RABGAP1L: variants seen among roughly 807,000 people sequenced by gnomAD.
RABGAP1L encodes the protein RAB GTPase activating protein 1 like, also known as rab GTPase-activating protein 1-like.
A neutral mutation model predicts 137.7 loss-of-function variants in RABGAP1L; 63 were observed. The observed-to-expected ratio is 0.46, with a 90% CI of 0.37 to 0.56. The LOEUF (loss-of-function observed/expected upper bound fraction) is 0.56, where lower values mean the gene tolerates loss of function less well. Among genes scored for constraint, RABGAP1L ranks in the 20% least tolerant of loss-of-function variants. The probability of loss-of-function intolerance (pLI) is 0.00; values close to 1 mark genes in which losing one functional copy is unlikely to be tolerated. For missense variants in RABGAP1L, 1,095 were observed against 1,244.0 expected, an observed-to-expected ratio of 0.88 and a Z score of 1.80; for synonymous variants, 431 against 433.7, an observed-to-expected ratio of 0.99 and a Z score of 0.08.
intron 19 of RABGAP1L, among the ~76,000 whole-genome samples, chr1:174,853,854 A>G (rs1648808417): frequency 6.6e-6 from 1 of 152,228 alleles, no homozygotes; most frequent in Non-Finnish European, 1.5e-5. Flanking sequence ...AGTATGGTAC[A>G]GATCACCTCA....
chr1:174,503,699 A>C (rs1661554520), intron 13 of RABGAP1L, among the ~76,000 whole-genome samples: 1 of 151,610 alleles, frequency 6.6e-6, no homozygotes, highest in Non-Finnish European at 1.5e-5. Context: ...AAAAAAAATC[A>C]GTTGTGTTCT....
intron 1 of RABGAP1L, among the ~76,000 whole-genome samples, chr1:174,184,684 A>G (rs1666663622): frequency 6.6e-6 from 1 of 152,200 alleles, no homozygotes; most frequent in Admixed American, 6.5e-5. Context: ...TTGCAGATTA[A>G]TATTTGCAGG....
At chr1:174,840,377 C>T (rs546275060) in intron 19 of RABGAP1L, among the ~76,000 whole-genome samples, 2 of 152,184 alleles carry the variant, frequency 1.3e-5, no homozygotes, top group South Asian at 2.1e-4. Context: ...ATGATAAATG[C>T]AGTTAAAAAT....
At chr1:174,376,507 C>T (rs1050601512) in intron 12 of RABGAP1L, among the ~76,000 whole-genome samples, 5 of 152,050 alleles carry the variant, frequency 3.3e-5, no homozygotes, top group South Asian at 2.1e-4. Context: ...CTACGTGGGA[C>T]GTATTTTGGG....
At chr1:174,881,530 C>T (rs959837120) in intron 19 of RABGAP1L, among the ~76,000 whole-genome samples, 2 of 120,550 alleles carry the variant, frequency 1.7e-5, no homozygotes, top group Non-Finnish European at 3.2e-5. Context: ...TATGGAGTCT[C>T]GCTCTGTCAC....
At chr1:174,230,527 C>T (rs184665354) in intron 3 of RABGAP1L, among the ~76,000 whole-genome samples, 111 of 152,266 alleles carry the variant, frequency 7.3e-4, no homozygotes, top group African/African-American at 2.3e-3. Context: ...TGAGATTTGA[C>T]AGAACTCAGC....
chr1:174,817,218 A>G (rs1690530700), intron 19 of RABGAP1L, among the ~76,000 whole-genome samples: 1 of 152,214 alleles, frequency 6.6e-6, no homozygotes, highest in Non-Finnish European at 1.5e-5. Flanking sequence ...GTATTTCATT[A>G]GTAAAATAAT....
intron 13 of RABGAP1L, among the ~76,000 whole-genome samples, chr1:174,523,343 A>G (rs2147855340): frequency 6.6e-6 from 1 of 152,270 alleles, no homozygotes; most frequent in African/African-American, 2.4e-5. Context: ...ACAGCATTTG[A>G]CTTTTTTTTA....
At chr1:174,881,663 C>A (rs1023858530) in intron 19 of RABGAP1L, among the ~76,000 whole-genome samples, 3 of 151,712 alleles carry the variant, frequency 2.0e-5, no homozygotes, top group African/African-American at 7.3e-5. Context: ...CCATGCCCAG[C>A]TAATTTTTGT....
intron 21 of RABGAP1L, among the ~76,000 whole-genome samples, chr1:174,971,412 C>T (rs888256221): frequency 2.6e-5 from 4 of 151,974 alleles, no homozygotes; most frequent in African/African-American, 4.8e-5. Flanking sequence ...TTATTGAGTA[C>T]CAGGGTAGCT....
intron 14 of RABGAP1L, among the ~76,000 whole-genome samples, chr1:174,675,359 T>G (rs1677533708): frequency 6.6e-6 from 1 of 152,082 alleles, no homozygotes; most frequent in Non-Finnish European, 1.5e-5. Context: ...CTTTCCCCAT[T>G]GCTTGTTTTT....
intron 19 of RABGAP1L, among the ~76,000 whole-genome samples, chr1:174,925,677 C>A (rs149874730): frequency 0.011 from 1,703 of 151,966 alleles, 36 homozygotes; most frequent in African/African-American, 0.04. Flanking sequence ...TAATTATCCT[C>A]TTTTTAAAAA....
intron 19 of RABGAP1L, among the ~76,000 whole-genome samples, chr1:174,826,732 A>C (rs1325755344): frequency 6.6e-6 from 1 of 152,234 alleles, no homozygotes; most frequent in Non-Finnish European, 1.5e-5. Context: ...TGTTCACCGC[A>C]GTGGCTAGAG....
At position 174,530,835 on chromosome 1, in the gene RABGAP1L, A is replaced by G. The variant is rs776636198; in HGVS notation, c.1711-106540A>G. 1.3e-3 allele frequency among the ~76,000 whole-genome samples: 167 copies of G among 126,430 alleles called. 1 individual carries two copies. Among genetic ancestry groups the G allele is most frequent in the Non-Finnish European group, 1.8e-3 (117 of 65,650 alleles). 82.9% of individuals were successfully genotyped at this position (126,430 alleles called of 152,430 possible). A position where few individuals can be genotyped will look rare whatever the true frequency, so the allele number is the denominator to read the frequency against. On this transcript the variant is annotated intron_variant, in intron 13 of 25. Coordinates refer to ENST00000681986, the MANE Select transcript of RABGAP1L (RefSeq NM_001366446.1). ...CATACATACATACATACATACATAC[A>G]TACGTACGTTTGTGTAGGGAACATG...
intron 23 of RABGAP1L, among the ~76,000 whole-genome samples, chr1:174,981,419 C>T (rs1439621138): frequency 6.6e-6 from 1 of 151,996 alleles, no homozygotes; most frequent in East Asian, 1.9e-4. Context: ...GCAAGCAAGC[C>T]CTCATCACCA....
intron 20 of RABGAP1L, among the ~76,000 whole-genome samples, chr1:174,962,267 C>A (rs1669220502): frequency 7.1e-6 from 1 of 140,144 alleles, no homozygotes; most frequent in Non-Finnish European, 1.5e-5. Flanking sequence ...ATAAAGGTTA[C>A]CTGTTCTAGA....
chr1:174,212,653 A>C (rs1456783514), intron 1 of RABGAP1L, among the ~76,000 whole-genome samples: 1 of 152,108 alleles, frequency 6.6e-6, no homozygotes, highest in Non-Finnish European at 1.5e-5. Flanking sequence ...GAGCAAACCA[A>C]ACCCAAAATT....
At chr1:174,508,911 A>G (rs1309977153) in intron 13 of RABGAP1L, among the ~76,000 whole-genome samples, 1 of 152,188 alleles carries the variant, frequency 6.6e-6, no homozygotes, top group African/African-American at 2.4e-5. Context: ...CTAGAAATGA[A>G]AAAAAACCCA....
At chr1:174,957,723 CTT>C (rs34143059) in intron 20 of RABGAP1L, 174 bp downstream of exon 20, 21,734 of 492,968 alleles carry the variant, frequency 0.044, 54 homozygotes, top group African/African-American at 0.081. Flanking sequence ...AGCAAAGTAC[CTT>C]TTTTTTTTTT....
Sources: allele counts gnomAD v4.1 joint callset (sites outside exome capture counted in the v4.1 genomes callset), GRCh38; gene constraint gnomAD v4.1.1; transcripts MANE v1.5; gene names NCBI Gene and HGNC (gene_info 2026-07-23, HGNC 2026-07-21).